USO1: variants seen among roughly 807,000 people sequenced by gnomAD.
The protein encoded by USO1 is general vesicular transport factor p115.
A neutral mutation model predicts 124.5 loss-of-function variants in USO1; 57 were observed. That is an observed-to-expected ratio of 0.46 (90% CI 0.37 to 0.57). The LOEUF is 0.57. Ranked by LOEUF, USO1 falls within the 20% of genes least tolerant of loss-of-function variation. The pLI, the probability that USO1 is intolerant of heterozygous loss-of-function variation, is 0.00. For missense variants in USO1, 900 were observed against 1,040.6 expected (o/e 0.86, Z 1.86); for synonymous variants, 369 against 362.8 (o/e 1.02, Z -0.19).
chr4:75,725,151 G>A (rs1372418075), intron 1 of USO1, among the ~76,000 whole-genome samples: 1 of 152,226 alleles, frequency 6.6e-6, no homozygotes, highest in Non-Finnish European at 1.5e-5. Context: ...CTAGGAGAGT[G>A]GTCCGCAGGT....
intron 1 of USO1, chr4:75,744,953 G>A (rs764117939): frequency 2.0e-6 from 1 of 494,380 alleles, no homozygotes; most frequent in Non-Finnish European, 4.0e-6. Context: ...AACAGTGACT[G>A]TTCCAGATGT....
intron 1 of USO1, among the ~76,000 whole-genome samples, chr4:75,743,390 A>G (rs6847333): frequency 0.54 from 82,647 of 151,864 alleles, 23,870 homozygotes; most frequent in East Asian, 0.81. Context: ...CATTCTTGTT[A>G]CCCTTACTCA....
chr4:75,783,341 G>A (rs557838951), intron 9 of USO1, among the ~76,000 whole-genome samples: 1 of 152,174 alleles, frequency 6.6e-6, no homozygotes, highest in South Asian at 2.1e-4. Flanking sequence ...TGATTAGTCT[G>A]AGTTTTAAGT....
At chr4:75,800,921 TGATC>T (rs1722831372) in intron 16 of USO1, 122 bp downstream of exon 16, 3 of 1,438,156 alleles carry the variant, frequency 2.1e-6, no homozygotes, top group Non-Finnish European at 2.8e-6. Flanking sequence ...TCCTAGCTCT[TGATC>T]TGTAGCCCAT....
At position 75,804,412 on chromosome 4, in the gene USO1, A is replaced by G. The variant is rs951059165; in HGVS notation, c.2125+140A>G. On this transcript the variant is annotated intron_variant, in intron 18 of 23. Transcript: ENST00000514213. ...GACAAAAATGTAAATCGGAGTTTAA[A>G]GCAAAATAGCATGATAGTTAAGAGC... 28 of 1,311,440 alleles carry G rather than the reference A, an allele frequency of 2.1e-5. No individual in the cohort carries two copies. The South Asian group carries it at 4.8e-4, about 22-fold the overall frequency. 81.2% of individuals were successfully genotyped at this position (1,311,440 alleles called of 1,614,324 possible).
At chr4:75,800,964 GA>G in intron 16 of USO1, 114 bp from the exon 17 acceptor site, 1 of 1,388,472 alleles carries the variant, frequency 7.2e-7, no homozygotes, top group Non-Finnish European at 9.6e-7. Flanking sequence ...CAGTAGGATT[GA>G]AAAGATTATT....
At chr4:75,796,319 TCCC>T (rs1722676985) in intron 13 of USO1, among the ~76,000 whole-genome samples, 1 of 33,954 alleles carries the variant, frequency 2.9e-5, no homozygotes, top group Non-Finnish European at 9.7e-5. Context: ...GTTTTCATAA[TCCC>T]AGAAAGTTCC....
intron 1 of USO1, among the ~76,000 whole-genome samples, chr4:75,741,718 C>T (rs1720967264): frequency 6.6e-6 from 1 of 151,596 alleles, no homozygotes; most frequent in South Asian, 2.1e-4. Flanking sequence ...AATTCTCCCG[C>T]CTCAGCCTCT....
At chr4:75,782,589 G>A in intron 8 of USO1, 91 bp from the exon 9 acceptor site, 1 of 1,446,058 alleles carries the variant, frequency 6.9e-7, no homozygotes, top group Non-Finnish European at 9.1e-7. Context: ...AAGAGATGCT[G>A]AGCATGGAGA....
At chr4:75,753,977 C>T (rs1169399711) in intron 3 of USO1, among the ~76,000 whole-genome samples, 2 of 150,876 alleles carry the variant, frequency 1.3e-5, no homozygotes, top group East Asian at 2.0e-4. Context: ...TTAGTAGAGA[C>T]GGGGTTTTAC....
chr4:75,796,341 C>CTTTTTTT (rs533041107), intron 13 of USO1, among the ~76,000 whole-genome samples: 1 of 102,064 alleles, frequency 9.8e-6, no homozygotes, highest in Non-Finnish European at 2.1e-5. Context: ...CCATCATGCT[C>CTTTTTTT]TTTTTTTTTT....
intron 13 of USO1, among the ~76,000 whole-genome samples, chr4:75,798,011 G>T (rs544177991): frequency 6.6e-6 from 1 of 152,228 alleles, no homozygotes; most frequent in South Asian, 2.1e-4. Flanking sequence ...ATTGGTTTAT[G>T]TCCACTTTTG....
At chr4:75,784,443 ATTGT>A (rs1329389574) in intron 9 of USO1, among the ~76,000 whole-genome samples, 3 of 152,234 alleles carry the variant, frequency 2.0e-5, no homozygotes, top group Non-Finnish European at 2.9e-5. Context: ...GAAAATTTAA[ATTGT>A]TTGAGGAAGC....
intron 10 of USO1, among the ~76,000 whole-genome samples, chr4:75,789,038 GCCATTATAATCCT>G (rs911280486): frequency 2.6e-5 from 4 of 151,962 alleles, no homozygotes; most frequent in African/African-American, 7.3e-5. Context: ...GAAGTTTGAA[GCCATTATAATCCT>G]CCTTTTTTTT....
At chr4:75,774,603 G>A in intron 7 of USO1, 73 bp from the exon 8 acceptor site, 1 of 1,507,742 alleles carries the variant, frequency 6.6e-7, no homozygotes, top group Non-Finnish European at 8.9e-7. Context: ...CTAAAATTCT[G>A]TGATTTTTGA....
intron 1 of USO1, among the ~76,000 whole-genome samples, chr4:75,737,422 T>G (rs979279754): frequency 1.3e-5 from 2 of 152,216 alleles, no homozygotes; most frequent in African/African-American, 4.8e-5. Flanking sequence ...TATTTCTTTT[T>G]TCTTCGTGAT....
intron 4 of USO1, chr4:75,760,526 T>G: frequency 2.5e-6 from 1 of 394,680 alleles, no homozygotes; most frequent in Non-Finnish European, 4.5e-6. Context: ...ACGTGTATAC[T>G]ACTACATTAA....
rs530432744 is a variant in USO1, at chr4:75,735,902, A to G, written c.66+11017A>G. ...CTTTTTTGGTCATCTTTGTGTAGCA[A>G]TGAATATAAATAAATAGCCCTATTG... On this transcript the variant is annotated intron_variant, in intron 1 of 23. Coordinates refer to ENST00000514213, the MANE Select transcript of USO1 (RefSeq NM_003715.4). Among the ~76,000 whole-genome samples the G allele has an allele frequency of 2.0e-5, 3 of 152,250 alleles. No homozygotes were observed. In the South Asian group the frequency reaches 6.2e-4, roughly 32 times the overall value.
At chr4:75,779,212 C>CCCTCCCTCGGG (rs1467532752) in intron 8 of USO1, among the ~76,000 whole-genome samples, 2 of 152,136 alleles carry the variant, frequency 1.3e-5, no homozygotes, top group Non-Finnish European at 2.9e-5. Flanking sequence ...CTCTTCCCCT[C>CCCTCCCTCGGG]CCTCCCTCGG....
Sources: gnomAD v4.1 joint callset for allele counts (sites outside exome capture counted in the v4.1 genomes callset) on GRCh38, gnomAD v4.1.1 for gene constraint, MANE v1.5 for transcripts, NCBI Gene and HGNC (gene_info 2026-07-23, HGNC 2026-07-21) for gene names.